The following RGS21 variants were observed in gnomAD, a reference collection of about 807,000 sequenced individuals.
RGS21 encodes the protein regulator of G-protein signalling 21.
A neutral mutation model predicts 18.7 loss-of-function variants in RGS21; 19 were observed. The ratio of observed to expected loss-of-function variants is 1.01; its 90% CI spans 0.71 to 1.49. The LOEUF is 1.49. Among genes scored for constraint, RGS21 ranks in the 40% most tolerant of loss-of-function variants. The probability of loss-of-function intolerance (pLI) is 0.00; values close to 1 mark genes in which losing one functional copy is unlikely to be tolerated. For synonymous variants in RGS21, 56 were observed against 57.8 expected (o/e 0.97, Z 0.14); for missense variants, 194 against 176.8 (o/e 1.10, Z -0.55).
intron 4 of RGS21, among the ~76,000 whole-genome samples, chr1:192,353,307 G>A (rs192424310): frequency 9.8e-4 from 149 of 151,974 alleles, no homozygotes; most frequent in Non-Finnish European, 1.4e-3. Context: ...TAATAGTCAC[G>A]TGAACCACTG....
At chr1:192,352,988 T>A (rs1007630374) in intron 4 of RGS21, among the ~76,000 whole-genome samples, 1 of 152,052 alleles carries the variant, frequency 6.6e-6, no homozygotes, top group Non-Finnish European at 1.5e-5. Flanking sequence ...AGAGCGTTAA[T>A]GTATAAGTAA....
chr1:192,325,776 G>C (rs1228758265), intron 1 of RGS21, among the ~76,000 whole-genome samples: 1 of 152,008 alleles, frequency 6.6e-6, no homozygotes, highest in Non-Finnish European at 1.5e-5. Flanking sequence ...CATGTCCTTT[G>C]CCCAATTTGT....
intron 1 of RGS21, among the ~76,000 whole-genome samples, chr1:192,324,537 T>C (rs1019017419): frequency 1.3e-5 from 2 of 152,022 alleles, no homozygotes; most frequent in Non-Finnish European, 2.9e-5. Flanking sequence ...ACTGAAATAA[T>C]GATTATGTTG....
At chr1:192,335,986 G>A (rs1658760485) in intron 1 of RGS21, among the ~76,000 whole-genome samples, 1 of 152,204 alleles carries the variant, frequency 6.6e-6, no homozygotes, top group Non-Finnish European at 1.5e-5. Flanking sequence ...TTTAGTTGCT[G>A]TTGAACAAAG....
At chr1:192,351,682 A>T (rs996685951) in intron 3 of RGS21, among the ~76,000 whole-genome samples, 5 of 147,998 alleles carry the variant, frequency 3.4e-5, no homozygotes, top group African/African-American at 1.2e-4. Context: ...AACACATATA[A>T]TATATATGCT....
intron 2 of RGS21, among the ~76,000 whole-genome samples, chr1:192,345,840 G>A (rs1008139526): frequency 1.3e-5 from 2 of 151,898 alleles, no homozygotes; most frequent in South Asian, 2.1e-4. Flanking sequence ...ATTCCTACAA[G>A]TTCTAATATT....
In RGS21 at chr1:192,347,316, C is replaced by A; in HGVS notation, c.15C>A (p.Cys5Ter). 2 of 1,590,920 alleles carry A rather than the reference C, an allele frequency of 1.3e-6. No individual in the cohort carries two copies. Among genetic ancestry groups the A allele is most frequent in the Non-Finnish European group, 1.7e-6 (2 of 1,160,354 alleles). MPVK[C>*]CFYRSPTAET... Reference sequence around the variant, plus strand: ...ACAATGCTATTGTCAAGGTTAGATGCTGTTTCTACAGGTCACCAACTGCGG... The same window carrying A: ...ACAATGCTATTGTCAAGGTTAGATGATGTTTCTACAGGTCACCAACTGCGG... Residue 5 changes from cysteine to a stop codon, truncating the protein, a stop_gained, in exon 3 of 5, where the codon TGC (cysteine) becomes TGA (stop). Transcript: ENST00000417209. LOFTEE classifies it high-confidence loss of function.
chr1:192,361,584 C>T (rs1557982874), intron 4 of RGS21, among the ~76,000 whole-genome samples: 5 of 152,210 alleles, frequency 3.3e-5, no homozygotes, highest in East Asian at 1.9e-4. Flanking sequence ...CTCGCTCTGT[C>T]GCCTAGGCTG....
At chr1:192,325,444 A>G (rs1658556211) in intron 1 of RGS21, among the ~76,000 whole-genome samples, 1 of 152,084 alleles carries the variant, frequency 6.6e-6, no homozygotes, top group Non-Finnish European at 1.5e-5. Context: ...TCGGTAGAAC[A>G]ATATATATAT....
intron 1 of RGS21, among the ~76,000 whole-genome samples, chr1:192,320,904 G>A (rs187061080): frequency 1.5e-3 from 228 of 151,980 alleles, no homozygotes; most frequent in African/African-American, 5.4e-3. Flanking sequence ...TAATTATAAT[G>A]CTTAAGGATT....
chr1:192,319,977 T>A (rs1658472876), intron 1 of RGS21, among the ~76,000 whole-genome samples: 1 of 152,090 alleles, frequency 6.6e-6, no homozygotes, highest in Non-Finnish European at 1.5e-5. Context: ...CAGAAGCCTT[T>A]GGGTAAAGGG....
chr1:192,353,932 T>C (rs1659078623), intron 4 of RGS21, among the ~76,000 whole-genome samples: 1 of 151,556 alleles, frequency 6.6e-6, no homozygotes, highest in South Asian at 2.1e-4. Flanking sequence ...CCAAATTAAC[T>C]GAAAATACGC....
chr1:192,317,246 T>A (rs995077294), intron 1 of RGS21, 141 bp downstream of exon 1: 2 of 151,840 alleles, frequency 1.3e-5, no homozygotes, highest in African/African-American at 4.8e-5. Context: ...AAAGAAAAAA[T>A]TTTACTAGCT....
intron 2 of RGS21, among the ~76,000 whole-genome samples, chr1:192,345,800 G>A (rs892903936): frequency 6.6e-6 from 1 of 151,982 alleles, no homozygotes; most frequent in Non-Finnish European, 1.5e-5. Flanking sequence ...TTTTAAGCAT[G>A]TGTATTTTAA....
At chr1:192,365,576 T>C (rs965062442) in intron 4 of RGS21, among the ~76,000 whole-genome samples, 1 of 152,032 alleles carries the variant, frequency 6.6e-6, no homozygotes, top group Non-Finnish European at 1.5e-5. Context: ...CCTAGGAAAA[T>C]TACATTTTAA....
Position 192,366,299 on chromosome 1 carries a change from A to G in RGS21, c.*175A>G. On this transcript the variant is annotated 3_prime_UTR_variant, in exon 5 of 5. Transcript: ENST00000417209. ...TTTCTAACTCAGTTGTTTAGAATGT[A>G]TTTGCTTTACCAGCTATTTAATCTC... 1.8e-6 allele frequency: 1 copy of G among 552,398 alleles called. No individual in the cohort carries two copies. Among genetic ancestry groups the G allele is most frequent in the Non-Finnish European group, 3.2e-6 (1 of 315,564 alleles). 34.2% of individuals were successfully genotyped at this position (552,398 alleles called of 1,614,324 possible). A position where few individuals can be genotyped will look rare whatever the true frequency, so the allele number is the denominator to read the frequency against.
Position 192,366,335 on chromosome 1 carries a change from A to T in RGS21, c.*211A>T. 2.1e-6 allele frequency: 1 copy of T among 470,358 alleles called. No homozygotes were observed. The highest frequency in any genetic ancestry group is 3.8e-6 in the Non-Finnish European group (1 of 266,000). The allele number at this position is 470,358 out of a possible 1,614,324, so 29.1% of individuals were successfully genotyped here. A position where few individuals can be genotyped will look rare whatever the true frequency, so the allele number is the denominator to read the frequency against. Reference sequence around the variant, plus strand: ...CAGCTATTTAATCTCCTACTGGGGGAGTACAAAGAAAGTTTATAGAGATAC... The same window carrying T: ...CAGCTATTTAATCTCCTACTGGGGGTGTACAAAGAAAGTTTATAGAGATAC... On this transcript the variant is annotated 3_prime_UTR_variant, in exon 5 of 5. Transcript: ENST00000417209.
chr1:192,345,955 T>C (rs141445231), intron 2 of RGS21, among the ~76,000 whole-genome samples: 2 of 152,092 alleles, frequency 1.3e-5, no homozygotes, highest in Non-Finnish European at 2.9e-5. Flanking sequence ...TCAACCTCCA[T>C]TTATGAAAGA....
rs199921424 is a variant in RGS21 at position 192,365,992 on chromosome 1, T to C, written c.327T>C (p.Asp109=). The C allele has an allele frequency of 4.4e-5, 71 of 1,610,072 alleles. 1 individual carries two copies. The Middle Eastern group carries it at 1.2e-3, about 26-fold the overall frequency. ...CTGAACCAACACTCAAATGCTTTGATGAGGCTCAGAAATTAATCTATTGTC... is the reference window on the plus strand; with the variant it reads ...CTGAACCAACACTCAAATGCTTTGACGAGGCTCAGAAATTAATCTATTGTC... The part of the protein sequence containing the change: ...NIAEPTLKCF[D]EAQKLIYCLM... Residue 109 remains aspartate, a synonymous_variant, in exon 5 of 5, where the codon GAT becomes GAC. Coordinates refer to ENST00000417209, the MANE Select transcript of RGS21 (RefSeq NM_001039152.3).
Sources: allele counts gnomAD v4.1 joint callset (sites outside exome capture counted in the v4.1 genomes callset), GRCh38; gene constraint gnomAD v4.1.1; transcripts MANE v1.5; gene names NCBI Gene and HGNC (gene_info 2026-07-23, HGNC 2026-07-21).